The following MOXD1 variants were observed in gnomAD, a reference collection of about 807,000 sequenced individuals.
MOXD1 encodes DBH-like monooxygenase protein 1.
A neutral mutation model predicts 66.6 loss-of-function variants in MOXD1; 62 were observed. The ratio of observed to expected loss-of-function variants is 0.93; its 90% CI spans 0.76 to 1.15. MOXD1 has a LOEUF of 1.15. Ranked by LOEUF, MOXD1 falls within the 50% of genes most tolerant of loss-of-function variation. The pLI is 0.00. For missense variants in MOXD1, 847 were observed against 754.6 expected (o/e 1.12, Z -1.44); for synonymous variants, 303 against 281.9 (o/e 1.07, Z -0.75).
chr6:132,297,686 G>T, intron 11 of MOXD1, 101 bp downstream of exon 11: 1 of 1,367,418 alleles, frequency 7.3e-7, no homozygotes, highest in South Asian at 1.6e-5. Context: ...AAGGCAACTG[G>T]ACCCCTGGAT....
chr6:132,309,623 C>A (rs1387927132), intron 10 of MOXD1, among the ~76,000 whole-genome samples: 2 of 152,186 alleles, frequency 1.3e-5, no homozygotes, highest in African/African-American at 4.8e-5. Context: ...TCAAACTATA[C>A]TACAAGGCTA....
At chr6:132,368,975 A>G (rs188298225) in intron 4 of MOXD1, among the ~76,000 whole-genome samples, 1 of 152,210 alleles carries the variant, frequency 6.6e-6, no homozygotes, top group Non-Finnish European at 1.5e-5. Context: ...AATTATAACA[A>G]TATGCTGTAA....
At position 132,327,945 on chromosome 6, in the gene MOXD1, T is replaced by C. The variant is rs143594703; in HGVS notation, c.946+68A>G. 10 of 1,274,782 alleles carry C rather than the reference T, an allele frequency of 7.8e-6. No homozygotes were observed. In the African/African-American group the frequency reaches 1.3e-4, roughly 17 times the overall value. The allele number at this position is 1,274,782 out of a possible 1,614,324, so 79.0% of individuals were successfully genotyped here. On this transcript the variant is annotated intron_variant, in intron 6 of 11. Transcript: ENST00000367963. Reference sequence around the variant, plus strand: ...TGGCTGCTATTTTGTTTCAACTCTGTTAAAGACTTACAAGGTACAAAACTT... The same window carrying C: ...TGGCTGCTATTTTGTTTCAACTCTGCTAAAGACTTACAAGGTACAAAACTT...
intron 1 of MOXD1, among the ~76,000 whole-genome samples, chr6:132,392,746 T>C (rs1448013223): frequency 6.6e-6 from 1 of 152,222 alleles, no homozygotes; most frequent in African/African-American, 2.4e-5. Context: ...ATTTATCCAA[T>C]AGATTATGTT....
At chr6:132,336,252 T>C (rs915825098) in intron 4 of MOXD1, among the ~76,000 whole-genome samples, 1 of 152,230 alleles carries the variant, frequency 6.6e-6, no homozygotes, top group Non-Finnish European at 1.5e-5. Flanking sequence ...TTCTTGTTCC[T>C]GGCACCCAGC....
chr6:132,320,461 T>C (rs1226715050), intron 9 of MOXD1, among the ~76,000 whole-genome samples, 168 bp downstream of exon 9: 1 of 152,214 alleles, frequency 6.6e-6, no homozygotes, highest in African/African-American at 2.4e-5. Flanking sequence ...ATTTGAAGTC[T>C]TAGAAAATGC....
intron 10 of MOXD1, among the ~76,000 whole-genome samples, chr6:132,309,710 A>G (rs147339332): frequency 0.017 from 2,659 of 152,256 alleles, 78 homozygotes; most frequent in African/African-American, 0.059. Context: ...AACACCACAC[A>G]TCTACAACCA....
intron 4 of MOXD1, among the ~76,000 whole-genome samples, chr6:132,371,150 T>C (rs1010662924): frequency 2.0e-5 from 3 of 152,174 alleles, no homozygotes; most frequent in Admixed American, 1.3e-4. Flanking sequence ...CTCTTAAGCC[T>C]GGTTCCAGTT....
rs1471176595 is a variant in MOXD1, at chr6:132,296,559, G to T, written c.*594C>A. 6.6e-6 allele frequency: 1 copy of T among 152,210 alleles called. No individual in the cohort carries two copies. Among genetic ancestry groups the T allele is most frequent in the Non-Finnish European group, 1.5e-5 (1 of 68,120 alleles). The allele number at this position is 152,210 out of a possible 1,614,324, so 9.4% of individuals were successfully genotyped here. ...TTAAGATGGGTGTGGGGTCATTTGG[G>T]GTACCAACAGACTCAGATAAACAAG... On this transcript the variant is annotated 3_prime_UTR_variant, in exon 12 of 12. Coordinates refer to ENST00000367963, the MANE Select transcript of MOXD1 (RefSeq NM_015529.4).
chr6:132,323,997 A>G lies in MOXD1; in HGVS notation c.1047T>C (p.His349=), dbSNP rs1399788665. Residue 349 remains histidine, a synonymous_variant, in exon 7 of 12, where the codon CAT becomes CAC. Coordinates refer to ENST00000367963, the MANE Select transcript of MOXD1 (RefSeq NM_015529.4). ...ACTCAGGCATCCCTGGAGGGATGGTATGGAAGAGGCTCACCCAGAGGCCAG... is the reference window on the plus strand; with the variant it reads ...ACTCAGGCATCCCTGGAGGGATGGTGTGGAAGAGGCTCACCCAGAGGCCAG... The part of the protein sequence containing the change: ...IEAGLWVSLF[H]TIPPGMPEFQ... 6.2e-7 allele frequency: 1 copy of G among 1,613,896 alleles called. No homozygotes were observed. Among genetic ancestry groups the G allele is most frequent in the Non-Finnish European group, 8.5e-7 (1 of 1,179,938 alleles).
At chr6:132,352,241 C>T (rs1240858319) in intron 4 of MOXD1, among the ~76,000 whole-genome samples, 1 of 152,138 alleles carries the variant, frequency 6.6e-6, no homozygotes, top group Non-Finnish European at 1.5e-5. Context: ...AGTTTGTGCT[C>T]TTTCAGTCCT....
intron 4 of MOXD1, among the ~76,000 whole-genome samples, chr6:132,363,296 T>A (rs1339130796): frequency 1.3e-5 from 2 of 151,590 alleles, no homozygotes; most frequent in Non-Finnish European, 2.9e-5. Context: ...GTTGGTGATG[T>A]CACTATAAGT....
intron 4 of MOXD1, among the ~76,000 whole-genome samples, chr6:132,356,528 G>A (rs925232336): frequency 6.6e-6 from 1 of 152,126 alleles, no homozygotes. Flanking sequence ...CTAGCGTATA[G>A]GAATGAAACC....
chr6:132,391,518 T>C (rs1432682005), intron 1 of MOXD1: 2 of 152,162 alleles, frequency 1.3e-5, no homozygotes, highest in Admixed American at 1.3e-4. Context: ...TTTTTCCTGT[T>C]TAAAAGTTCT....
intron 10 of MOXD1, among the ~76,000 whole-genome samples, chr6:132,308,139 AG>A (rs1323555532): frequency 1.3e-5 from 2 of 152,060 alleles, no homozygotes; most frequent in Non-Finnish European, 2.9e-5. Context: ...GAAAATAAAG[AG>A]GAAAAGAGAG....
rs374767453 is a variant in MOXD1, at chr6:132,297,798, C to T, written c.1666G>A (p.Ala556Thr). The T allele has an allele frequency of 6.2e-7, 1 of 1,604,534 alleles. No individual in the cohort carries two copies. Among genetic ancestry groups the T allele is most frequent in the Non-Finnish European group, 8.5e-7 (1 of 1,176,844 alleles). The change falls in exon 11 of 12, where the codon GCT (alanine) becomes ACT (threonine). Residue 556 changes from alanine to threonine, a missense_variant. Ala to Thr is a moderately conservative substitution (Grantham distance 58). Transcript: ENST00000367963. ...VNVRCSKTDN[A>T]EWSIQGMTAL... Reference sequence around the variant, plus strand: ...TAAAAAGAGCTTACCGACCACTCAGCATTGTCTGTCTTGGAACATCTCACA... The same window carrying T: ...TAAAAAGAGCTTACCGACCACTCAGTATTGTCTGTCTTGGAACATCTCACA...
intron 4 of MOXD1, among the ~76,000 whole-genome samples, chr6:132,355,312 C>T (rs1470352030): frequency 6.6e-6 from 1 of 152,140 alleles, no homozygotes; most frequent in Non-Finnish European, 1.5e-5. Flanking sequence ...CCAGTGAGCT[C>T]CCAGGTCCTT....
At chr6:132,297,645 TA>T in intron 11 of MOXD1, 141 bp downstream of exon 11, 1 of 1,017,892 alleles carries the variant, frequency 9.8e-7, no homozygotes, top group Non-Finnish European at 1.4e-6. Context: ...TCAATCCAAG[TA>T]ATCATTGAAC....
intron 10 of MOXD1, among the ~76,000 whole-genome samples, chr6:132,303,272 AC>A (rs1425320913): frequency 6.6e-6 from 1 of 152,196 alleles, no homozygotes; most frequent in African/African-American, 2.4e-5. Flanking sequence ...CAGAGAACTT[AC>A]ATCCAAAGTA....
Sources: gnomAD v4.1 joint callset for allele counts (sites outside exome capture counted in the v4.1 genomes callset) on GRCh38, gnomAD v4.1.1 for gene constraint, MANE v1.5 for transcripts, NCBI Gene and HGNC (gene_info 2026-07-23, HGNC 2026-07-21) for gene names.